Variants in GGCX observed in about 807,000 individuals in gnomAD.
GGCX encodes vitamin K-dependent gamma-carboxylase.
In GGCX, 63 loss-of-function variants were observed where a neutral mutation model predicts 88.5. The observed-to-expected ratio is 0.71, with a 90% CI of 0.58 to 0.88. The LOEUF (loss-of-function observed/expected upper bound fraction) is 0.88, where lower values mean the gene tolerates loss of function less well. GGCX is among the 40% of genes least tolerant of loss of function. The pLI is 0.00. For synonymous variants in GGCX, 368 were observed against 365.8 expected, an observed-to-expected ratio of 1.01 and a Z score of -0.07; for missense variants, 805 against 932.9, an observed-to-expected ratio of 0.86 and a Z score of 1.79.
Position 85,552,573 on chromosome 2 carries a change from C to T in GGCX, c.1288-6G>A. ...CGCCGACTCTGTGTAAATACCTGCC[C>T]CAAACCCCCATATTAGTCCCACCTC... On this transcript the variant is annotated splice_region_variant and splice_polypyrimidine_tract_variant and intron_variant, in intron 9 of 14. Transcript: ENST00000233838. The T allele has an allele frequency of 6.2e-7, 1 of 1,612,890 alleles. No individual in the cohort carries two copies. Among genetic ancestry groups the T allele is most frequent in the Non-Finnish European group, 8.5e-7 (1 of 1,179,676 alleles).
At chr2:85,557,000 T>C (rs1692228399) in intron 4 of GGCX, among the ~76,000 whole-genome samples, 1 of 152,130 alleles carries the variant, frequency 6.6e-6, no homozygotes, top group African/African-American at 2.4e-5. Context: ...GCTCAGTAGT[T>C]CATACCTATA....
At chr2:85,560,144 T>C (rs1212909901) in intron 2 of GGCX, among the ~76,000 whole-genome samples, 1 of 152,154 alleles carries the variant, frequency 6.6e-6, no homozygotes, top group Non-Finnish European at 1.5e-5. Flanking sequence ...AAGCACACCA[T>C]GCTGCGGCCT....
intron 2 of GGCX, among the ~76,000 whole-genome samples, 188 bp downstream of exon 2, chr2:85,560,627 G>A (rs1449619775): frequency 1.3e-5 from 2 of 151,646 alleles, no homozygotes; most frequent in African/African-American, 4.8e-5. Context: ...AAGCATTTCT[G>A]GCCACCAAGT....
Position 85,552,442 on chromosome 2 carries a change from G to A in GGCX, c.1413C>T (p.Val471=), listed in dbSNP as rs369352657. 1 of 1,613,992 alleles carries A rather than the reference G, an allele frequency of 6.2e-7. No homozygotes were observed. Among genetic ancestry groups the A allele is most frequent in the African/African-American group, 1.3e-5 (1 of 75,024 alleles). The change falls in exon 10 of 15, where the codon GTC becomes GTT. Residue 471 remains valine, a synonymous_variant. Coordinates refer to ENST00000233838, the MANE Select transcript of GGCX (RefSeq NM_000821.7). ...TEPQIYFDIW[V]SINDRFQQRI... The stretch of plus-strand genomic sequence containing the variant: ...TCTGCTGGAAGCGGTCATTGATGGA[G>A]ACCCAAATATCAAAGTAGATCTGGG...
rs547167964 is a variant in GGCX, at chr2:85,554,374, C to T, written c.726-68G>A. The T allele has an allele frequency of 3.6e-5, 51 of 1,428,712 alleles. No individual in the cohort carries two copies. In the Admixed American group the frequency reaches 5.5e-4, roughly 15 times the overall value. 88.5% of individuals were successfully genotyped at this position (1,428,712 alleles called of 1,614,324 possible). On this transcript the variant is annotated intron_variant, in intron 6 of 14. Transcript: ENST00000233838. ...AACACATCAAAGCACATTCACAGCA[C>T]GAATGTGCCTTGGCTACTCCAGTGG...
chr2:85,548,649 G>A lies in GGCX; in HGVS notation c.*1285C>T, dbSNP rs1462830642. ...TTACTGAGACTGCCAATTTACTACCGGTCTCTGCTACAAGTCCATGAGCTC... is the reference window on the plus strand; with the variant it reads ...TTACTGAGACTGCCAATTTACTACCAGTCTCTGCTACAAGTCCATGAGCTC... On this transcript the variant is annotated 3_prime_UTR_variant, in exon 15 of 15. Transcript: ENST00000233838. 1 of 152,144 alleles carries A rather than the reference G, an allele frequency of 6.6e-6. No homozygotes were observed. Among genetic ancestry groups the A allele is most frequent in the Non-Finnish European group, 1.5e-5 (1 of 68,040 alleles). 9.4% of individuals were successfully genotyped at this position (152,144 alleles called of 1,614,324 possible). A position where few individuals can be genotyped will look rare whatever the true frequency, so the allele number is the denominator to read the frequency against.
At position 85,553,362 on chromosome 2, in the gene GGCX, G is replaced by C. The variant is rs1417097119; in HGVS notation, c.1025C>G (p.Ser342Cys). The change falls in exon 8 of 15, where the codon TCC (serine) becomes TGC (cysteine). Residue 342 changes from serine (S) to cysteine (C), a missense_variant. Transcript: ENST00000233838. Reference protein sequence around the residue: ...PLKAAPQPSVSCVYKRSRGKS... With the variant: ...PLKAAPQPSVCCVYKRSRGKS... The stretch of plus-strand genomic sequence containing the variant: ...GCCCCGGCTCCTCTTATACACACAG[G>C]AAACACTGGGCTGAGGGGCTGCCTT... 6.2e-7 allele frequency: 1 copy of C among 1,614,232 alleles called. No individual in the cohort carries two copies. The highest frequency in any genetic ancestry group is 2.2e-5 in the East Asian group (1 of 44,880).
intron 9 of GGCX, 32 bp downstream of exon 9, chr2:85,552,907 G>C: frequency 6.2e-7 from 1 of 1,613,016 alleles, no homozygotes. Context: ...GGGCTCTGAA[G>C]AACAGTAAAT....
chr2:85,554,327 T>C (rs2103970277), intron 6 of GGCX, 21 bp from the exon 7 acceptor site: 2 of 1,612,268 alleles, frequency 1.2e-6, no homozygotes, highest in African/African-American at 2.7e-5. Context: ...ATGGAGAAAG[T>C]TCAAGCACCA....
intron 11 of GGCX, 23 bp from the exon 12 acceptor site, chr2:85,551,633 C>T (rs774876815): frequency 6.2e-7 from 1 of 1,612,530 alleles, no homozygotes; most frequent in Non-Finnish European, 8.5e-7. Flanking sequence ...CAGAGTTCAT[C>T]ATCCCACCCC....
intron 12 of GGCX, among the ~76,000 whole-genome samples, 196 bp downstream of exon 12, chr2:85,551,284 A>G (rs986726998): frequency 6.6e-6 from 1 of 152,118 alleles, no homozygotes; most frequent in Non-Finnish European, 1.5e-5. Flanking sequence ...AAATATTTTC[A>G]GTCTATAATA....
rs200997067 is a variant in GGCX at position 85,550,045 on chromosome 2, A to G, written c.2166T>C (p.Tyr722=). The stretch of plus-strand genomic sequence containing the variant: ...CTGCCTCAAAGGGTCTCAAGTTTGC[A>G]TAAGTCACCTCCTGGGCCAGCTGCT... ...SLEQLAQEVT[Y]ANLRPFEAVG... Residue 722 remains tyrosine (Y), a synonymous_variant, in exon 15 of 15, where the codon TAT becomes TAC. Transcript: ENST00000233838. 1.9e-5 allele frequency: 31 copies of G among 1,613,104 alleles called. No individual in the cohort carries two copies. The highest frequency in any genetic ancestry group is 7.7e-5 in the South Asian group (7 of 91,064).
chr2:85,546,548 C>T lies in GGCX; in HGVS notation c.*3386G>A, dbSNP rs1333355159. Reference sequence around the variant, plus strand: ...CTGGCAAACTGAAACCCCGTCTCTACCAAAAATACAAAAAAGCTGGGTGTG... The same window carrying T: ...CTGGCAAACTGAAACCCCGTCTCTATCAAAAATACAAAAAAGCTGGGTGTG... On this transcript the variant is annotated 3_prime_UTR_variant, in exon 15 of 15. Coordinates refer to ENST00000233838, the MANE Select transcript of GGCX (RefSeq NM_000821.7). The T allele has an allele frequency of 1.3e-5, 2 of 151,658 alleles. No homozygotes were observed. The highest frequency in any genetic ancestry group is 4.9e-5 in the African/African-American group (2 of 41,212). 9.4% of individuals were successfully genotyped at this position (151,658 alleles called of 1,614,324 possible). A position where few individuals can be genotyped will look rare whatever the true frequency, so the allele number is the denominator to read the frequency against.
rs1470325879 is a variant in GGCX at position 85,549,839 on chromosome 2, A to C, written c.*95T>G. 1.2e-4 allele frequency: 88 copies of C among 753,082 alleles called. No individual in the cohort carries two copies. The South Asian group carries it at 1.3e-3, about 11-fold the overall frequency. The allele number at this position is 753,082 out of a possible 1,614,324, so 46.6% of individuals were successfully genotyped here. A position where few individuals can be genotyped will look rare whatever the true frequency, so the allele number is the denominator to read the frequency against. On this transcript the variant is annotated 3_prime_UTR_variant, in exon 15 of 15. Coordinates refer to ENST00000233838, the MANE Select transcript of GGCX (RefSeq NM_000821.7). ...ACCCCGCCCCCCCAAAAAAAAAAAA[A>C]AAACTTTTGAGAATTTTTTTCAAAT... is the stretch of plus-strand genomic sequence containing the variant.
At position 85,545,928 on chromosome 2, in the gene GGCX, C is replaced by T. The variant is rs1339838146; in HGVS notation, c.*4006G>A. 6.6e-6 allele frequency: 1 copy of T among 152,206 alleles called. No individual in the cohort carries two copies. Among genetic ancestry groups the T allele is most frequent in the Non-Finnish European group, 1.5e-5 (1 of 68,042 alleles). The allele number at this position is 152,206 out of a possible 1,614,324, so 9.4% of individuals were successfully genotyped here. The stretch of plus-strand genomic sequence containing the variant: ...TGAAAATGCTATAAATTTCCAAAGG[C>T]TTAAATTTCATTTATGGCAGGTTGT... On this transcript the variant is annotated 3_prime_UTR_variant, in exon 15 of 15. Transcript: ENST00000233838.
rs371622780 is a variant in GGCX, at chr2:85,561,405, C to T, written c.24G>A (p.Ala8=). The T allele has an allele frequency of 6.6e-4, 1,031 of 1,572,944 alleles. No individual in the cohort carries two copies. The highest frequency in any genetic ancestry group is 8.5e-4 in the Non-Finnish European group (985 of 1,159,748). Reference sequence around the variant, plus strand: ...GCCTACCTGAGCTGGGCGAGGTCCGCGCGGACCCGGCAGACACCGCCATTG... The same window carrying T: ...GCCTACCTGAGCTGGGCGAGGTCCGTGCGGACCCGGCAGACACCGCCATTG... The part of the protein sequence containing the change: MAVSAGS[A]RTSPSSDKVQ... The change falls in exon 1 of 15, where the codon GCG becomes GCA. Residue 8 remains alanine, a synonymous_variant. Coordinates refer to ENST00000233838, the MANE Select transcript of GGCX (RefSeq NM_000821.7).
At position 85,555,505 on chromosome 2, in the gene GGCX, T is replaced by A; in HGVS notation, c.704A>T (p.His235Leu). 1 of 1,594,696 alleles carries A rather than the reference T, an allele frequency of 6.3e-7. No individual in the cohort carries two copies. Among genetic ancestry groups the A allele is most frequent in the South Asian group, 1.1e-5 (1 of 90,712 alleles). Residue 235 changes from histidine (H) to leucine (L), a missense_variant, in exon 6 of 15, where the codon CAC becomes CTC. Transcript: ENST00000233838. The part of the protein sequence containing the change: ...EGYSMEYLSR[H>L]WLFSPFKLLL... ...TCACTTGAAGGGACTGAAGAGCCAG[T>A]GCCGGGACAAATATTCCATGGAATA...
At chr2:85,554,505 G>A (rs908768974) in intron 6 of GGCX, 199 bp from the exon 7 acceptor site, 48 of 602,330 alleles carry the variant, frequency 8.0e-5, no homozygotes, top group Middle Eastern at 4.5e-4. Context: ...TCACTCTGTC[G>A]CCTAGGCTGG....
Position 85,549,842 on chromosome 2 carries a change from ACTTTT to A in GGCX, c.*87_*91del. 7.1e-6 allele frequency: 5 copies of A among 705,968 alleles called. No individual in the cohort carries two copies. Among genetic ancestry groups the A allele is most frequent in the East Asian group, 4.3e-5 (1 of 23,486 alleles). The allele number at this position is 705,968 out of a possible 1,614,324, so 43.7% of individuals were successfully genotyped here. ...CCGCCCCCCCAAAAAAAAAAAAAAA[ACTTTT>A]GAGAATTTTTTTCAAATAAATGTCC... On this transcript the variant is annotated 3_prime_UTR_variant, in exon 15 of 15. Transcript: ENST00000233838.
Sources: gnomAD v4.1 joint callset for allele counts (sites outside exome capture counted in the v4.1 genomes callset) on GRCh38, gnomAD v4.1.1 for gene constraint, MANE v1.5 for transcripts, NCBI Gene and HGNC (gene_info 2026-07-23, HGNC 2026-07-21) for gene names.